Variants in ABI3BP observed in about 807,000 individuals in gnomAD.
The protein encoded by ABI3BP is ABI family member 3 binding protein, also known as target of Nesh-SH3.
ABI3BP carries 216 observed loss-of-function variants against 268.6 expected under a neutral mutation model. That is an observed-to-expected ratio of 0.80 (90% confidence interval 0.72 to 0.90). The LOEUF (loss-of-function observed/expected upper bound fraction) is 0.90, where lower values mean the gene tolerates loss of function less well. Ranked by LOEUF, ABI3BP falls within the 40% of genes least tolerant of loss-of-function variation. ABI3BP has a pLI of 0.00. For missense variants in ABI3BP, 2,090 were observed against 2,182.4 expected, an observed-to-expected ratio of 0.96 and a Z score of 0.84; for synonymous variants, 730 against 730.0, an observed-to-expected ratio of 1.00 and a Z score of 0.00.
At chr3:100,944,721 T>C (rs986538585) in intron 1 of ABI3BP, among the ~76,000 whole-genome samples, 1 of 152,186 alleles carries the variant, frequency 6.6e-6, no homozygotes, top group Non-Finnish European at 1.5e-5. Flanking sequence ...TGTTTGTAAT[T>C]TATTTAGTTC....
intron 2 of ABI3BP, among the ~76,000 whole-genome samples, chr3:100,910,195 T>G (rs190265775): frequency 2.6e-4 from 39 of 152,102 alleles, no homozygotes; most frequent in African/African-American, 9.4e-4. Context: ...CACTCATTAG[T>G]GGGAGGTGAA....
intron 1 of ABI3BP, among the ~76,000 whole-genome samples, chr3:100,955,442 T>C (rs1266527540): frequency 6.6e-6 from 1 of 152,244 alleles, no homozygotes; most frequent in Non-Finnish European, 1.5e-5. Context: ...ATGATTTCCA[T>C]GCATTTAGCA....
intron 4 of ABI3BP, among the ~76,000 whole-genome samples, chr3:100,890,977 T>C (rs2044356440): frequency 7.8e-6 from 1 of 128,098 alleles, no homozygotes; most frequent in African/African-American, 2.6e-5. Flanking sequence ...ATTTTCAAAC[T>C]GGTCAACTTT....
At chr3:100,976,995 A>T (rs558282780) in intron 1 of ABI3BP, among the ~76,000 whole-genome samples, 3 of 152,300 alleles carry the variant, frequency 2.0e-5, no homozygotes, top group African/African-American at 4.8e-5. Context: ...TTTTCTATGA[A>T]TTTTTTTAAA....
intron 34 of ABI3BP, among the ~76,000 whole-genome samples, chr3:100,827,730 T>A (rs999813794): frequency 3.3e-5 from 5 of 152,254 alleles, no homozygotes; most frequent in African/African-American, 1.2e-4. Flanking sequence ...ATTTGACAGA[T>A]TAAATAAATT....
intron 63 of ABI3BP, among the ~76,000 whole-genome samples, chr3:100,755,803 CTAA>C (rs1191704304): frequency 6.6e-6 from 1 of 152,148 alleles, no homozygotes; most frequent in East Asian, 1.9e-4. Flanking sequence ...CCTGAGTCAG[CTAA>C]TAATATTTTG....
chr3:100,925,772 C>T (rs2061617199), intron 2 of ABI3BP, among the ~76,000 whole-genome samples: 1 of 151,942 alleles, frequency 6.6e-6, no homozygotes, highest in Admixed American at 6.6e-5. Flanking sequence ...GGAGAAGGCT[C>T]AAAAGTGACC....
At chr3:100,894,450 G>C (rs1033988072) in intron 4 of ABI3BP, among the ~76,000 whole-genome samples, 1 of 152,116 alleles carries the variant, frequency 6.6e-6, no homozygotes, top group Non-Finnish European at 1.5e-5. Flanking sequence ...GGAAGTAACG[G>C]TGGGCAAGAT....
intron 9 of ABI3BP, 33 bp from the exon 10 acceptor site, chr3:100,866,989 C>A: frequency 6.4e-7 from 1 of 1,567,704 alleles, no homozygotes; most frequent in Non-Finnish European, 8.8e-7. Flanking sequence ...ATTTATCTCA[C>A]TTGCAGTGTC....
At chr3:100,754,743 A>T in intron 63 of ABI3BP, 52 bp from the exon 64 acceptor site, 1 of 1,432,578 alleles carries the variant, frequency 7.0e-7, no homozygotes, top group Non-Finnish European at 9.6e-7. Context: ...GAGGGCTAGG[A>T]GGCAACATTG....
At chr3:100,902,993 T>A (rs766196693) in intron 2 of ABI3BP, among the ~76,000 whole-genome samples, 302 of 152,288 alleles carry the variant, frequency 2.0e-3, no homozygotes, top group Non-Finnish European at 3.3e-3. Context: ...ATATATATTT[T>A]AAAAAATCAG....
intron 28 of ABI3BP, 36 bp downstream of exon 28, chr3:100,835,565 A>G (rs576847547): frequency 2.0e-6 from 3 of 1,487,326 alleles, no homozygotes; most frequent in South Asian, 2.5e-5. Flanking sequence ...CAATGAGCAG[A>G]AAAAACTCAT....
At chr3:100,911,366 CCT>C (rs1245099472) in intron 2 of ABI3BP, 18 of 263,844 alleles carry the variant, frequency 6.8e-5, no homozygotes, top group African/African-American at 3.9e-4. Flanking sequence ...AAAATGTTCC[CCT>C]GAGGGTCTTT....
chr3:100,813,427 T>G lies in ABI3BP; in HGVS notation c.3364+234A>C, dbSNP rs1006568661. On this transcript the variant is annotated intron_variant, in intron 45 of 67. Transcript: ENST00000471714. ...TCAACCACTTAATCAGATATGTGGTTATTTTCTAGAATGATACAAATGCAT... is the reference window on the plus strand; with the variant it reads ...TCAACCACTTAATCAGATATGTGGTGATTTTCTAGAATGATACAAATGCAT... Among the ~76,000 whole-genome samples, 3 of 152,190 alleles carry G rather than the reference T, an allele frequency of 2.0e-5. No homozygotes were observed. The East Asian group carries it at 5.8e-4, about 29-fold the overall frequency.
intron 4 of ABI3BP, among the ~76,000 whole-genome samples, chr3:100,892,051 G>A (rs1411101946): frequency 2.6e-5 from 4 of 152,196 alleles, no homozygotes; most frequent in African/African-American, 9.6e-5. Flanking sequence ...GGAAAGCAGC[G>A]TGGATTGGAT....
At chr3:100,815,388 G>A (rs1021065903) in intron 44 of ABI3BP, among the ~76,000 whole-genome samples, 1 of 152,114 alleles carries the variant, frequency 6.6e-6, no homozygotes, top group African/African-American at 2.4e-5. Flanking sequence ...ACTTAGCGAA[G>A]ATTAAGAGCC....
chr3:100,870,599 A>C (rs2099099589), intron 9 of ABI3BP, among the ~76,000 whole-genome samples: 1 of 152,186 alleles, frequency 6.6e-6, no homozygotes, highest in African/African-American at 2.4e-5. Context: ...TTGAGGTGGA[A>C]ATGTAAATTG....
chr3:100,837,220 T>G lies in ABI3BP; in HGVS notation c.2084-49A>C, dbSNP rs1010162690. 43 of 1,470,600 alleles carry G rather than the reference T, an allele frequency of 2.9e-5. No homozygotes were observed. The Admixed American group carries it at 7.9e-4, about 27-fold the overall frequency. 91.1% of individuals were successfully genotyped at this position (1,470,600 alleles called of 1,614,324 possible). ...TATAAGTAATAAAAGCAAGGAAGTC[T>G]AAACTTTTGGGTGCTCATTGGTGTT... On this transcript the variant is annotated intron_variant, in intron 26 of 67. Coordinates refer to ENST00000471714, the MANE Select transcript of ABI3BP (RefSeq NM_001375547.2).
chr3:100,973,732 A>G (rs531247725), intron 1 of ABI3BP, among the ~76,000 whole-genome samples: 1 of 152,302 alleles, frequency 6.6e-6, no homozygotes, highest in African/African-American at 2.4e-5. Flanking sequence ...GAAGCCTCAA[A>G]TGGCAAAAAC....
Sources: gnomAD v4.1 joint callset for allele counts (sites outside exome capture counted in the v4.1 genomes callset) on GRCh38, gnomAD v4.1.1 for gene constraint, MANE v1.5 for transcripts, NCBI Gene and HGNC (gene_info 2026-07-23, HGNC 2026-07-21) for gene names.